The following TPRX1 variants were observed in gnomAD, a reference collection of about 807,000 sequenced individuals.
TPRX1 encodes the protein tetra-peptide repeat homeobox protein 1.
A neutral mutation model predicts 8.1 loss-of-function variants in TPRX1; 2 were observed. That is an observed-to-expected ratio of 0.25 (90% CI 0.10 to 0.78). The LOEUF (loss-of-function observed/expected upper bound fraction) is 0.78. Among genes scored for constraint, TPRX1 ranks in the 30% least tolerant of loss-of-function variants. The pLI is 0.70. For missense variants in TPRX1, 517 were observed against 586.9 expected (o/e 0.88, Z 1.23); for synonymous variants, 257 against 254.1 (o/e 1.01, Z -0.11).
In TPRX1 at chr19:47,801,487, C is replaced by G. The variant is rs531598532; in HGVS notation, c.*288G>C. 279 of 328,240 alleles carry G rather than the reference C, an allele frequency of 8.5e-4. 1 individual carries two copies. In the Middle Eastern group the frequency reaches 0.019, roughly 23 times the overall value. 20.3% of individuals were successfully genotyped at this position (328,240 alleles called of 1,614,324 possible). On this transcript the variant is annotated 3_prime_UTR_variant, in exon 4 of 4. Transcript: ENST00000535759. ...TGGGGAAGATGCTGACCATCAGAAG[C>G]CCTGGGAAAAGCCCTTTAGAAAGCT...
intron 2 of TPRX1, among the ~76,000 whole-genome samples, chr19:47,813,136 T>A (rs1967799056): frequency 7.8e-6 from 1 of 128,882 alleles, no homozygotes; most frequent in South Asian, 2.4e-4. Context: ...AATAAATAAA[T>A]AAATAATAAT....
exon 4 of TPRX1, chr19:47,802,851 C>T (rs1967693004): frequency 2.5e-6 from 4 of 1,600,486 alleles, no homozygotes; most frequent in Admixed American, 3.4e-5. Flanking sequence ...CGCTGAGGTG[C>T]GGAGGCAGAG....
intron 2 of TPRX1, among the ~76,000 whole-genome samples, chr19:47,817,386 G>A (rs112086828): frequency 0.06 from 9,156 of 152,100 alleles, 911 homozygotes; most frequent in African/African-American, 0.21. Context: ...TGTCTCCCAC[G>A]TCAGCGGCAG....
exon 4 of TPRX1, chr19:47,802,716 T>C: frequency 6.3e-7 from 1 of 1,591,180 alleles, no homozygotes; most frequent in African/African-American, 1.3e-5. Context: ...GGGGCAGGGA[T>C]CGGGCCAGGG....
chr19:47,802,208 G>T, exon 4 of TPRX1: 6 of 1,612,518 alleles, frequency 3.7e-6, no homozygotes, highest in Non-Finnish European at 5.1e-6. Context: ...GCTGGGAATC[G>T]GGCCTATAAT....
chr19:47,802,998 C>T lies in TPRX1; in HGVS notation c.322-18G>A, dbSNP rs773288914. ...AACCACACCTGGGGGGCAGAGGGGA[C>T]AGGGAGAAGGTGTGAAGGAGGGGCT... On this transcript the variant is annotated intron_variant, in intron 3 of 3. Coordinates refer to ENST00000535759, the Ensembl canonical transcript of TPRX1. The T allele has an allele frequency of 1.9e-4, 289 of 1,535,236 alleles. 1 individual carries two copies. In the Middle Eastern group the frequency reaches 2.8e-3, roughly 15 times the overall value.
intron 2 of TPRX1, among the ~76,000 whole-genome samples, chr19:47,816,445 C>G (rs1967841309): frequency 6.6e-6 from 1 of 151,540 alleles, no homozygotes; most frequent in Non-Finnish European, 1.5e-5. Context: ...GAGATAGGGT[C>G]TCACTATGTT....
chr19:47,803,945 C>A (rs892600296), intron 2 of TPRX1, among the ~76,000 whole-genome samples: 1 of 152,026 alleles, frequency 6.6e-6, no homozygotes, highest in Non-Finnish European at 1.5e-5. Context: ...GCTCAACCCT[C>A]CCCAGCTGCC....
rs562052962 is a variant in TPRX1, at chr19:47,816,222, C to T, written c.151+2246G>A. On this transcript the variant is annotated intron_variant, in intron 2 of 3. Transcript: ENST00000535759. The stretch of plus-strand genomic sequence containing the variant: ...TAGCTGGGATTATAGGCGCACACCA[C>T]CATACAGCTAATTTTTTGTATTTTT... Among the ~76,000 whole-genome samples the T allele has an allele frequency of 4.0e-5, 6 of 151,588 alleles. No homozygotes were observed. The South Asian group carries it at 1.2e-3, about 31-fold the overall frequency.
At chr19:47,811,793 G>A (rs1184259789) in intron 2 of TPRX1, among the ~76,000 whole-genome samples, 2 of 149,744 alleles carry the variant, frequency 1.3e-5, no homozygotes, top group Non-Finnish European at 3.0e-5. Context: ...CACCGCGCCC[G>A]GCTAATGGCA....
chr19:47,809,253 C>T (rs1009940628), intron 2 of TPRX1, among the ~76,000 whole-genome samples: 5 of 152,164 alleles, frequency 3.3e-5, no homozygotes, highest in Non-Finnish European at 7.4e-5. Context: ...ATATATTATA[C>T]ATATACATAT....
chr19:47,809,586 A>G (rs1402240859), intron 2 of TPRX1, among the ~76,000 whole-genome samples: 1 of 152,200 alleles, frequency 6.6e-6, no homozygotes, highest in East Asian at 1.9e-4. Context: ...ATTTGAATGA[A>G]CAATAAATAA....
At chr19:47,816,711 T>A (rs1320114182) in intron 2 of TPRX1, among the ~76,000 whole-genome samples, 3 of 151,730 alleles carry the variant, frequency 2.0e-5, no homozygotes, top group Non-Finnish European at 4.4e-5. Context: ...TTTTGTATTT[T>A]TTAGTAGAGA....
exon 4 of TPRX1, chr19:47,802,613 G>A (rs928710277): frequency 6.5e-7 from 1 of 1,543,154 alleles, no homozygotes; most frequent in East Asian, 2.5e-5. Context: ...TGGGATTGGG[G>A]CTGGGATCGG....
intron 2 of TPRX1, among the ~76,000 whole-genome samples, chr19:47,810,602 CT>C (rs1967774124): frequency 6.6e-6 from 1 of 152,086 alleles, no homozygotes; most frequent in Non-Finnish European, 1.5e-5. Context: ...CCGCCTCAGC[CT>C]CCCAAAGTGC....
At chr19:47,803,418 C>T (rs974329013) in intron 3 of TPRX1, 86 bp downstream of exon 2, 19 of 536,584 alleles carry the variant, frequency 3.5e-5, no homozygotes, top group East Asian at 1.8e-4. Context: ...GGGAGGTGGT[C>T]GGGCGGGCCA....
In TPRX1 at chr19:47,815,121, T is replaced by TATATATATATATATATGCAA. The variant is rs1555799999; in HGVS notation, c.151+3346_151+3347insTTGCATATATATATATATAT. 1.5e-3 allele frequency among the ~76,000 whole-genome samples: 139 copies of TATATATATATATATATGCAA among 90,252 alleles called. 6 individuals are homozygous for TATATATATATATATATGCAA. The highest frequency in any genetic ancestry group is 6.1e-3 in the African/African-American group (127 of 20,972). The allele number at this position is 90,252 out of a possible 152,430, so 59.2% of individuals were successfully genotyped here. A position where few individuals can be genotyped will look rare whatever the true frequency, so the allele number is the denominator to read the frequency against. Reference sequence around the variant, plus strand: ...GCTCAATAAATAGATAAATTATATATATATATATATATATATATATATGCA... The same window carrying TATATATATATATATATGCAA: ...GCTCAATAAATAGATAAATTATATATATATATATATATATATGCAAATATATATATATATATATATATGCA... On this transcript the variant is annotated intron_variant, in intron 2 of 3. Coordinates refer to ENST00000535759, the Ensembl canonical transcript of TPRX1.
At chr19:47,815,646 C>CCAAAA in intron 2 of TPRX1, among the ~76,000 whole-genome samples, 1 of 60,288 alleles carries the variant, frequency 1.7e-5, no homozygotes, top group East Asian at 8.4e-4. Flanking sequence ...CCCGTCTCTA[C>CCAAAA]AAAAAAAAAA....
At chr19:47,801,903 T>C (rs747669233) in exon 4 of TPRX1, 16 of 1,614,042 alleles carry the variant, frequency 9.9e-6, no homozygotes, top group Non-Finnish European at 1.3e-5. Context: ...GAGGTCATGG[T>C]GGAGACTGAG....
Sources: gnomAD v4.1 joint callset for allele counts (sites outside exome capture counted in the v4.1 genomes callset) on GRCh38, gnomAD v4.1.1 for gene constraint, MANE v1.5 for transcripts, NCBI Gene and HGNC (gene_info 2026-07-23, HGNC 2026-07-21) for gene names.